The following UMODL1 variants were observed in gnomAD, a reference collection of about 807,000 sequenced individuals.
UMODL1 encodes uromodulin like 1, also known as uromodulin-like 1.
In UMODL1, 128 loss-of-function variants were observed where a neutral mutation model predicts 136.3. That is an observed-to-expected ratio of 0.94 (90% CI 0.81 to 1.09). The LOEUF (loss-of-function observed/expected upper bound fraction) is 1.09. Ranked by LOEUF, UMODL1 falls within the 50% of genes least tolerant of loss-of-function variation. The pLI, the probability that UMODL1 is intolerant of heterozygous loss-of-function variation, is 0.00. For synonymous variants in UMODL1, 721 were observed against 720.0 expected, an observed-to-expected ratio of 1.00 and a Z score of -0.02; for missense variants, 1,766 against 1,725.6, an observed-to-expected ratio of 1.02 and a Z score of -0.41.
At chr21:42,140,183 A>G (rs775060594) in intron 22 of UMODL1, among the ~76,000 whole-genome samples, 4 of 152,240 alleles carry the variant, frequency 2.6e-5, no homozygotes, top group Non-Finnish European at 5.9e-5. Context: ...TGCCTGCCCG[A>G]CGAAGAGGGG....
chr21:42,115,015 G>A lies in UMODL1; in HGVS notation c.2363-858G>A, dbSNP rs567429700. Among the ~76,000 whole-genome samples, 21 of 152,264 alleles carry A rather than the reference G, an allele frequency of 1.4e-4. No individual in the cohort carries two copies. In the South Asian group the frequency reaches 4.1e-3, roughly 30 times the overall value. ...CAGCAACAACAATGATCTCAAGGACGTAGAGTTTGGGGTTCGCCCAGGAAT... is the reference window on the plus strand; with the variant it reads ...CAGCAACAACAATGATCTCAAGGACATAGAGTTTGGGGTTCGCCCAGGAAT... On this transcript the variant is annotated intron_variant, in intron 13 of 22. Coordinates refer to ENST00000408910, the MANE Select transcript of UMODL1 (RefSeq NM_001004416.3).
intron 21 of UMODL1, among the ~76,000 whole-genome samples, chr21:42,135,064 C>T (rs220169): frequency 0.45 from 68,952 of 152,126 alleles, 16,276 homozygotes; most frequent in African/African-American, 0.49. Flanking sequence ...CTTCCCTTTC[C>T]CTCACTGGGT....
intron 20 of UMODL1, 168 bp downstream of exon 20, chr21:42,127,999 G>C: frequency 2.3e-6 from 2 of 880,604 alleles, no homozygotes; most frequent in Non-Finnish European, 3.6e-6. Flanking sequence ...GTATTTCCAC[G>C]GCAGGCAGCC....
At chr21:42,091,859 C>T (rs1481092897) in intron 6 of UMODL1, among the ~76,000 whole-genome samples, 1 of 152,190 alleles carries the variant, frequency 6.6e-6, no homozygotes, top group Non-Finnish European at 1.5e-5. Flanking sequence ...CTCCAGGTGA[C>T]ACTTAAACCA....
At chr21:42,079,057 T>A (rs2066329603) in intron 2 of UMODL1, among the ~76,000 whole-genome samples, 1 of 152,196 alleles carries the variant, frequency 6.6e-6, no homozygotes, top group South Asian at 2.1e-4. Context: ...GGACATGCCC[T>A]ATCCTGTCCA....
intron 13 of UMODL1, among the ~76,000 whole-genome samples, chr21:42,114,870 AC>A (rs2066883044): frequency 6.6e-6 from 1 of 152,020 alleles, no homozygotes; most frequent in Admixed American, 6.5e-5. Flanking sequence ...TGCACGGGGG[AC>A]CCCAAACCTG....
chr21:42,135,143 G>A lies in UMODL1; in HGVS notation c.3776-2296G>A, dbSNP rs550762828. The stretch of plus-strand genomic sequence containing the variant: ...TCATTTAAATTTCCCCCGCATCGTG[G>A]ACTGACATGTGGTCCAACGGTCACG... On this transcript the variant is annotated intron_variant, in intron 21 of 22. Coordinates refer to ENST00000408910, the MANE Select transcript of UMODL1 (RefSeq NM_001004416.3). 2.6e-4 allele frequency among the ~76,000 whole-genome samples: 40 copies of A among 152,330 alleles called. No individual in the cohort carries two copies. In the South Asian group the frequency reaches 7.2e-3, roughly 28 times the overall value.
intron 1 of UMODL1, among the ~76,000 whole-genome samples, chr21:42,074,211 T>G (rs1269301596): frequency 6.6e-6 from 1 of 152,210 alleles, no homozygotes; most frequent in African/African-American, 2.4e-5. Context: ...CTGGAGCTGC[T>G]GGCAATCTTT....
At chr21:42,129,544 C>T (rs2067105756) in intron 20 of UMODL1, among the ~76,000 whole-genome samples, 169 bp from the exon 21 acceptor site, 2 of 152,210 alleles carry the variant, frequency 1.3e-5, no homozygotes, top group Admixed American at 1.3e-4. Context: ...ACCCACCACC[C>T]TGGTCTCACC....
chr21:42,126,699 T>G (rs894274700), intron 18 of UMODL1, among the ~76,000 whole-genome samples: 17 of 152,252 alleles, frequency 1.1e-4, no homozygotes, highest in African/African-American at 3.9e-4. Flanking sequence ...GCCAATCCCA[T>G]GGGATGGCCC....
intron 4 of UMODL1, among the ~76,000 whole-genome samples, chr21:42,086,953 G>A (rs539898512): frequency 7.0e-6 from 1 of 142,554 alleles, no homozygotes; most frequent in South Asian, 2.2e-4. Flanking sequence ...GCTACAGAGC[G>A]AGACTCTTGT....
intron 20 of UMODL1, among the ~76,000 whole-genome samples, chr21:42,128,368 A>G (rs982659259): frequency 2.0e-5 from 3 of 152,230 alleles, no homozygotes; most frequent in Non-Finnish European, 2.9e-5. Flanking sequence ...ATCACAGACA[A>G]GTACATGAGG....
At chr21:42,117,379 G>A (rs1202746191) in intron 14 of UMODL1, among the ~76,000 whole-genome samples, 1 of 152,192 alleles carries the variant, frequency 6.6e-6, no homozygotes, top group Non-Finnish European at 1.5e-5. Flanking sequence ...TATAAATAGT[G>A]CTGCAATGCC....
At position 42,137,630 on chromosome 21, in the gene UMODL1, G is replaced by A. The variant is rs201780847; in HGVS notation, c.*10G>A. 13 of 1,090,696 alleles carry A rather than the reference G, an allele frequency of 1.2e-5. No individual in the cohort carries two copies. Among genetic ancestry groups the A allele is most frequent in the Middle Eastern group, 2.8e-4 (1 of 3,612 alleles). 67.6% of individuals were successfully genotyped at this position (1,090,696 alleles called of 1,614,324 possible). A position where few individuals can be genotyped will look rare whatever the true frequency, so the allele number is the denominator to read the frequency against. On this transcript the variant is annotated 3_prime_UTR_variant, in exon 22 of 23. Transcript: ENST00000408910. ...GGTGTTCTACGAATAGGAGGCGCAG[G>A]CTGACAGGAAGGTGGGTGCGGAGTG...
At position 42,123,501 on chromosome 21, in the gene UMODL1, GTGTGTGCA is replaced by G. The variant is rs57434907; in HGVS notation, c.3147+365_3147+372del. ...TGAGAGTGTGTGTGTGTGAGTGTAC[GTGTGTGCA>G]TGTGTGCATGTGTCTGAATATGTCT... is the stretch of plus-strand genomic sequence containing the variant. On this transcript the variant is annotated intron_variant, in intron 17 of 22. Transcript: ENST00000408910. This position sits in a 1 kb window ranked among gnomAD's most constrained non-coding sequence, Gnocchi z 4.4. Among the ~76,000 whole-genome samples, 41,175 of 151,710 alleles carry G rather than the reference GTGTGTGCA, an allele frequency of 0.27. 5,801 individuals are homozygous for G. Among genetic ancestry groups the G allele is most frequent in the Middle Eastern group, 0.38 (113 of 294 alleles).
chr21:42,127,440 A>G (rs558654796), intron 19 of UMODL1, among the ~76,000 whole-genome samples, 198 bp downstream of exon 19: 6 of 152,332 alleles, frequency 3.9e-5, no homozygotes, highest in African/African-American at 1.2e-4. Context: ...TCAAGCAGGC[A>G]CTGCCATTGC....
chr21:42,074,097 G>A (rs2066260927), intron 1 of UMODL1, among the ~76,000 whole-genome samples: 1 of 152,188 alleles, frequency 6.6e-6, no homozygotes, highest in Admixed American at 6.5e-5. Context: ...CAGCAGAAAT[G>A]GATTCGGTCA....
At chr21:42,127,308 G>T in intron 19 of UMODL1, 66 bp downstream of exon 19, 1 of 1,426,502 alleles carries the variant, frequency 7.0e-7, no homozygotes, top group Non-Finnish European at 9.9e-7. Flanking sequence ...AATAGGTAGG[G>T]CTCAAGAATG....
chr21:42,122,735 G>A lies in UMODL1; in HGVS notation c.2828-96G>A. On this transcript the variant is annotated intron_variant, in intron 16 of 22. Transcript: ENST00000408910. This position sits in a 1 kb window ranked among gnomAD's most constrained non-coding sequence, Gnocchi z 4.3. Reference sequence around the variant, plus strand: ...GGTTCCCAGGTGTGGCTGCTGCAGAGTGCAGGGCAGCTCCAGTCTGCTCCT... The same window carrying A: ...GGTTCCCAGGTGTGGCTGCTGCAGAATGCAGGGCAGCTCCAGTCTGCTCCT... The A allele has an allele frequency of 2.3e-6, 3 of 1,290,636 alleles. No homozygotes were observed. Among genetic ancestry groups the A allele is most frequent in the South Asian group, 3.0e-5 (2 of 66,022 alleles). The allele number at this position is 1,290,636 out of a possible 1,614,324, so 79.9% of individuals were successfully genotyped here.
Sources: allele counts gnomAD v4.1 joint callset (sites outside exome capture counted in the v4.1 genomes callset), GRCh38; gene constraint gnomAD v4.1.1; non-coding constraint Gnocchi (gnomAD v3.1); transcripts MANE v1.5; gene names NCBI Gene and HGNC (gene_info 2026-07-23, HGNC 2026-07-21).